The following USP6NL variants were observed in gnomAD, a reference collection of about 807,000 sequenced individuals.
USP6NL encodes the protein USP6 N-terminal like.
USP6NL carries 26 observed loss-of-function variants against 61.9 expected under a neutral mutation model. That is an observed-to-expected ratio of 0.42 (90% CI 0.31 to 0.58). USP6NL has a LOEUF of 0.58. Among genes scored for constraint, USP6NL ranks in the 20% least tolerant of loss-of-function variants. The probability of loss-of-function intolerance (pLI) is 0.16; values close to 1 mark genes in which losing one functional copy is unlikely to be tolerated. For missense variants in USP6NL, 1,114 were observed against 1,034.3 expected (o/e 1.08, Z -1.06); for synonymous variants, 432 against 390.1 (o/e 1.11, Z -1.27).
At position 11,465,900 on chromosome 10, in the gene USP6NL, T is replaced by A. The variant is rs1411898491; in HGVS notation, c.1079-2051A>T. Among the ~76,000 whole-genome samples, 1 of 152,262 alleles carries A rather than the reference T, an allele frequency of 6.6e-6. No individual in the cohort carries two copies. The highest frequency in any genetic ancestry group is 1.9e-4 in the East Asian group (1 of 5,206). ...AAGTCACCTACTTCATTATTTGTGA[T>A]AATTTGCTTGTATGGTCCTAGCACA... On this transcript the variant is annotated intron_variant, in intron 14 of 14. Transcript: ENST00000609104. This position sits in a 1 kb window ranked among gnomAD's most constrained non-coding sequence, Gnocchi z 4.5.
intron 2 of USP6NL, among the ~76,000 whole-genome samples, chr10:11,531,566 C>T (rs1835659288): frequency 6.6e-6 from 1 of 151,970 alleles, no homozygotes; most frequent in African/African-American, 2.4e-5. Context: ...GATCCACCCA[C>T]CTCAGCCTCC....
intron 2 of USP6NL, among the ~76,000 whole-genome samples, chr10:11,550,475 G>A (rs1007783909): frequency 1.6e-4 from 25 of 152,124 alleles, no homozygotes; most frequent in Admixed American, 2.6e-4. Context: ...AGCAAAAGAG[G>A]CCGAGCACTG....
rs1397943842 is a variant in USP6NL at position 11,520,462 on chromosome 10, G to C, written c.156-1888C>G. Among the ~76,000 whole-genome samples the C allele has an allele frequency of 6.6e-6, 1 of 152,198 alleles. No homozygotes were observed. Among genetic ancestry groups the C allele is most frequent in the Non-Finnish European group, 1.5e-5 (1 of 68,040 alleles). On this transcript the variant is annotated intron_variant, in intron 4 of 14. Coordinates refer to ENST00000609104, the MANE Select transcript of USP6NL (RefSeq NM_014688.5). This position sits in a 1 kb window ranked among gnomAD's most constrained non-coding sequence, Gnocchi z 5.2. Reference sequence around the variant, plus strand: ...CCCTTCCGAGGATGACACTGCTGCTGCTTACCAAGAGCTCCCTGTAATGCC... The same window carrying C: ...CCCTTCCGAGGATGACACTGCTGCTCCTTACCAAGAGCTCCCTGTAATGCC...
rs1024837597 is a variant in USP6NL, at chr10:11,460,728, T to C, written c.*1713A>G. ...TCAGATACTGCTATTATAAACTAAA[T>C]TGTACAGCTTGGTTTATTACAAGTC... is the stretch of plus-strand genomic sequence containing the variant. On this transcript the variant is annotated 3_prime_UTR_variant, in exon 15 of 15. Transcript: ENST00000609104. 9 of 151,026 alleles carry C rather than the reference T, an allele frequency of 6.0e-5. No individual in the cohort carries two copies. Among genetic ancestry groups the C allele is most frequent in the African/African-American group, 1.9e-4 (8 of 41,168 alleles). The allele number at this position is 151,026 out of a possible 1,614,324, so 9.4% of individuals were successfully genotyped here.
rs1832891380 is a variant in USP6NL, at chr10:11,474,656, CTAAA to C, written c.1078+7110_1078+7113del. On this transcript the variant is annotated intron_variant, in intron 14 of 14. Coordinates refer to ENST00000609104, the MANE Select transcript of USP6NL (RefSeq NM_014688.5). The surrounding 1 kb of genome is among the most constrained non-coding windows in gnomAD (Gnocchi z 4.9). ...TTTAATAAATACTAATTTTTAAAAT[CTAAA>C]TAATCCTGTGCATAGAAAATTTGTC... is the stretch of plus-strand genomic sequence containing the variant. Among the ~76,000 whole-genome samples the C allele has an allele frequency of 6.6e-6, 1 of 151,922 alleles. No individual in the cohort carries two copies. The highest frequency in any genetic ancestry group is 1.5e-5 in the Non-Finnish European group (1 of 67,994).
rs902961349 is a variant in USP6NL at position 11,470,158 on chromosome 10, G to A, written c.1079-6309C>T. 6.6e-6 allele frequency among the ~76,000 whole-genome samples: 1 copy of A among 152,190 alleles called. No homozygotes were observed. Among genetic ancestry groups the A allele is most frequent in the Non-Finnish European group, 1.5e-5 (1 of 68,034 alleles). On this transcript the variant is annotated intron_variant, in intron 14 of 14. Transcript: ENST00000609104. This position sits in a 1 kb window ranked among gnomAD's most constrained non-coding sequence, Gnocchi z 5.4. ...AGAGGTGAGGAAGAAGGAAGACGTG[G>A]CGGGGAGGTCACGGAAGGCAAGTAA...
In USP6NL at chr10:11,527,563, T is replaced by C. The variant is rs764081292; in HGVS notation, c.9A>G (p.Ser3=). 4 of 1,608,318 alleles carry C rather than the reference T, an allele frequency of 2.5e-6. No individual in the cohort carries two copies. Among genetic ancestry groups the C allele is most frequent in the Non-Finnish European group, 3.4e-6 (4 of 1,177,084 alleles). The part of the protein sequence containing the change: MN[S]DQDVALKLAQ... ...CAAGTTTGAGTGCTACATCCTGGTC[T>C]GAATCTGTGGAGAAGACATCAAATT... The change falls in exon 3 of 15, where the codon TCA becomes TCG. Residue 3 remains serine, a synonymous_variant. Coordinates refer to ENST00000609104, the MANE Select transcript of USP6NL (RefSeq NM_014688.5).
intron 4 of USP6NL, among the ~76,000 whole-genome samples, chr10:11,524,265 A>G (rs1835335216): frequency 6.6e-6 from 1 of 152,232 alleles, no homozygotes; most frequent in African/African-American, 2.4e-5. Flanking sequence ...AGAACATTTC[A>G]GATAGCTAAT....
intron 10 of USP6NL, among the ~76,000 whole-genome samples, chr10:11,486,659 G>A (rs1333293675): frequency 1.3e-5 from 2 of 152,190 alleles, no homozygotes; most frequent in Non-Finnish European, 2.9e-5. Context: ...TGGGTTCCAT[G>A]CAACTCTGAA....
At chr10:11,571,210 A>G (rs974533433) in intron 2 of USP6NL, among the ~76,000 whole-genome samples, 1 of 151,708 alleles carries the variant, frequency 6.6e-6, no homozygotes, top group African/African-American at 2.4e-5. Flanking sequence ...CAGCCTCCTG[A>G]GTAGCTGGGA....
intron 14 of USP6NL, among the ~76,000 whole-genome samples, chr10:11,471,366 A>C (rs11257111): frequency 0.11 from 16,781 of 152,208 alleles, 1,135 homozygotes; most frequent in Non-Finnish European, 0.15. Context: ...GAACACTTTT[A>C]CACTGTTGGT....
At chr10:11,541,273 A>G (rs140187888) in intron 2 of USP6NL, among the ~76,000 whole-genome samples, 3,855 of 113,188 alleles carry the variant, frequency 0.034, 230 homozygotes, top group East Asian at 0.22. Flanking sequence ...ATATATATAT[A>G]TATGTATGTC....
chr10:11,489,177 G>A lies in USP6NL; in HGVS notation c.589C>T (p.Leu197Phe). The A allele has an allele frequency of 6.2e-7, 1 of 1,613,968 alleles. No individual in the cohort carries two copies. The highest frequency in any genetic ancestry group is 8.5e-7 in the Non-Finnish European group (1 of 1,179,856). The change falls in exon 10 of 15, where the codon CTC becomes TTC. Residue 197 changes from leucine (L) to phenylalanine (F), a missense_variant. Transcript: ENST00000609104. This position sits in a 1 kb window ranked among gnomAD's most constrained non-coding sequence, Gnocchi z 5.7. ...QGMSQITALL[L>F]MYMNEEDAFW... ...GCATCTTCCTCGTTCATATACATGAGGAGTAAAGCTGTGATCTGGCTCATC... is the reference window on the plus strand; with the variant it reads ...GCATCTTCCTCGTTCATATACATGAAGAGTAAAGCTGTGATCTGGCTCATC...
rs1446155231 is a variant in USP6NL, at chr10:11,476,800, G to T, written c.1078+4970C>A. 6.6e-6 allele frequency among the ~76,000 whole-genome samples: 1 copy of T among 152,110 alleles called. No homozygotes were observed. Among genetic ancestry groups the T allele is most frequent in the Non-Finnish European group, 1.5e-5 (1 of 68,006 alleles). The stretch of plus-strand genomic sequence containing the variant: ...CATAGACATGAATACAGCAAAAGAA[G>T]ACATGCCTTTCAACACTTTTACAAA... On this transcript the variant is annotated intron_variant, in intron 14 of 14. Coordinates refer to ENST00000609104, the MANE Select transcript of USP6NL (RefSeq NM_014688.5). This position sits in a 1 kb window ranked among gnomAD's most constrained non-coding sequence, Gnocchi z 4.3.
intron 4 of USP6NL, among the ~76,000 whole-genome samples, chr10:11,522,101 G>A (rs1386393793): frequency 1.3e-5 from 2 of 152,180 alleles, no homozygotes; most frequent in Admixed American, 6.5e-5. Flanking sequence ...AGCTCAGTTG[G>A]TTTGGCAACA....
At chr10:11,480,050 C>T (rs1833134030) in intron 14 of USP6NL, among the ~76,000 whole-genome samples, 1 of 152,232 alleles carries the variant, frequency 6.6e-6, no homozygotes, top group South Asian at 2.1e-4. Context: ...ATTCTACCTT[C>T]ACTGCCAGTA....
rs936654424 is a variant in USP6NL, at chr10:11,481,449, C to CA, written c.1078+320dup. On this transcript the variant is annotated intron_variant, in intron 14 of 14. Coordinates refer to ENST00000609104, the MANE Select transcript of USP6NL (RefSeq NM_014688.5). The surrounding 1 kb of genome is among the most constrained non-coding windows in gnomAD (Gnocchi z 4.4). ...GTTTCACAAAATGAGATGAAGAAAG[C>CA]AAAAAAAAGCTTATTGTTATGCTCG... 1.4e-4 allele frequency among the ~76,000 whole-genome samples: 21 copies of CA among 151,584 alleles called. No individual in the cohort carries two copies. Among genetic ancestry groups the CA allele is most frequent in the Admixed American group, 3.3e-4 (5 of 15,248 alleles).
Position 11,462,337 on chromosome 10 carries a change from G to A in USP6NL, c.*104C>T. On this transcript the variant is annotated 3_prime_UTR_variant, in exon 15 of 15. Transcript: ENST00000609104. ...TACTACTAACAGACAGGAGAGATGT[G>A]CGAGTTGTTTACAATAGTATAAATA... 7.8e-7 allele frequency: 1 copy of A among 1,288,256 alleles called. No homozygotes were observed. Among genetic ancestry groups the A allele is most frequent in the East Asian group, 2.5e-5 (1 of 39,716 alleles). 79.8% of individuals were successfully genotyped at this position (1,288,256 alleles called of 1,614,324 possible). A position where few individuals can be genotyped will look rare whatever the true frequency, so the allele number is the denominator to read the frequency against.
chr10:11,604,796 T>C (rs1056038492), intron 1 of USP6NL, among the ~76,000 whole-genome samples: 1 of 152,196 alleles, frequency 6.6e-6, no homozygotes, highest in African/African-American at 2.4e-5. Flanking sequence ...ATTAGTGTAC[T>C]GCTTCACAAT....
Sources: gnomAD v4.1 joint callset for allele counts (sites outside exome capture counted in the v4.1 genomes callset) on GRCh38, gnomAD v4.1.1 for gene constraint, Gnocchi (gnomAD v3.1) non-coding constraint, MANE v1.5 for transcripts, NCBI Gene and HGNC (gene_info 2026-07-23, HGNC 2026-07-21) for gene names.